CACNB3: variants seen among roughly 807,000 people sequenced by gnomAD.
CACNB3 encodes the protein voltage-dependent L-type calcium channel subunit beta-3.
A neutral mutation model predicts 63.7 loss-of-function variants in CACNB3; 36 were observed. That is an observed-to-expected ratio of 0.57 (90% CI 0.43 to 0.75). CACNB3 has a LOEUF of 0.75. Among genes scored for constraint, CACNB3 ranks in the 30% least tolerant of loss-of-function variants. The pLI, the probability that CACNB3 is intolerant of heterozygous loss-of-function variation, is 0.00. For synonymous variants in CACNB3, 241 were observed against 250.6 expected (o/e 0.96, Z 0.36); for missense variants, 493 against 648.6 (o/e 0.76, Z 2.61).
chr12:48,817,501 C>T (rs990412011), upstream of CACNB3, among the ~76,000 whole-genome samples: 27 of 152,092 alleles, frequency 1.8e-4, no homozygotes, highest in Non-Finnish European at 2.5e-4. Flanking sequence ...ACATCCTCCT[C>T]GTGGGGCACA....
chr12:48,824,653 C>A lies in CACNB3; in HGVS notation c.408-16C>A, dbSNP rs766587404. 6.2e-7 allele frequency: 1 copy of A among 1,610,648 alleles called. No homozygotes were observed. Among genetic ancestry groups the A allele is most frequent in the South Asian group, 1.1e-5 (1 of 90,980 alleles). ...ACATTCTTCTCTCTCTCTCTTTCAC[C>A]TCCCTTTCTTCTCAGGAGATCTGGG... On this transcript the variant is annotated splice_polypyrimidine_tract_variant and intron_variant, in intron 4 of 12. Transcript: ENST00000301050.
chr12:48,824,405 C>A, intron 4 of CACNB3, 32 bp downstream of exon 4: 1 of 1,543,852 alleles, frequency 6.5e-7, no homozygotes, highest in Non-Finnish European at 8.8e-7. Context: ...AGTAAACACA[C>A]CCCAAACACT....
rs772823776 is a variant in CACNB3 at position 48,824,386 on chromosome 12, C to T, written c.407+13C>T. 3 of 1,590,662 alleles carry T rather than the reference C, an allele frequency of 1.9e-6. No homozygotes were observed. The African/African-American group carries it at 4.0e-5, about 21-fold the overall frequency. On this transcript the variant is annotated intron_variant, in intron 4 of 12. Transcript: ENST00000301050. ...AGCAGAAGGCCAGGTGAGAGTTGGG[C>T]CATGAGTCAGTAAACACACCCCAAA...
Position 48,823,757 on chromosome 12 carries a change from G to T in CACNB3, c.245G>T (p.Gly82Val). Residue 82 changes from glycine to valine, a missense_variant, in exon 3 of 13, where the codon GGC (glycine) becomes GTC (valine). By Grantham distance (109) the Gly-to-Val change is moderately radical. Transcript: ENST00000301050. This position sits in a 1 kb window ranked among gnomAD's most constrained non-coding sequence, Gnocchi z 4.2. ...GVLDEECPVQ[G>V]SGVNFEAKDF... is the part of the protein sequence containing the mutation. ...CTGGATGAGGAGTGCCCAGTCCAGGGCTCTGGAGTCAACTTTGAGGCCAAA... is the reference window on the plus strand; with the variant it reads ...CTGGATGAGGAGTGCCCAGTCCAGGTCTCTGGAGTCAACTTTGAGGCCAAA... The T allele has an allele frequency of 6.2e-7, 1 of 1,614,126 alleles. No individual in the cohort carries two copies. The highest frequency in any genetic ancestry group is 8.5e-7 in the Non-Finnish European group (1 of 1,180,008).
Position 48,818,669 on chromosome 12 carries a change from G to A in CACNB3, c.-261G>A, listed in dbSNP as rs1937656520. 8.2e-7 allele frequency: 1 copy of A among 1,215,084 alleles called. No homozygotes were observed. Among genetic ancestry groups the A allele is most frequent in the African/African-American group, 1.6e-5 (1 of 62,134 alleles). The allele number at this position is 1,215,084 out of a possible 1,614,324, so 75.3% of individuals were successfully genotyped here. On this transcript the variant is annotated 5_prime_UTR_variant, in exon 1 of 13. Transcript: ENST00000301050. This position sits in a 1 kb window ranked among gnomAD's most constrained non-coding sequence, Gnocchi z 4.3. ...AGGTGGGCGGGCACTATTGTTGTAG[G>A]AGCCGGCGCCAGATTCCTCAGCCGC...
rs913026059 is a variant in CACNB3, at chr12:48,826,948, C to T, written c.991-26C>T. The T allele has an allele frequency of 1.1e-5, 17 of 1,613,506 alleles. No individual in the cohort carries two copies. The highest frequency in any genetic ancestry group is 4.0e-5 in the African/African-American group (3 of 74,912). Reference sequence around the variant, plus strand: ...GGGGCTGCTACTGAGGGGAAACCAACGTTGCGCCTTCCTCCCCCTCCCCAG... The same window carrying T: ...GGGGCTGCTACTGAGGGGAAACCAATGTTGCGCCTTCCTCCCCCTCCCCAG... On this transcript the variant is annotated intron_variant, in intron 11 of 12. Transcript: ENST00000301050. This position sits in a 1 kb window ranked among gnomAD's most constrained non-coding sequence, Gnocchi z 4.8.
intron 1 of CACNB3, among the ~76,000 whole-genome samples, chr12:48,822,311 G>T (rs1937891849): frequency 6.6e-6 from 1 of 152,128 alleles, no homozygotes; most frequent in African/African-American, 2.4e-5. Flanking sequence ...CTGGGCTCTT[G>T]TCTCAAAGTC....
In CACNB3 at chr12:48,826,907, TG is replaced by T; in HGVS notation, c.990+54del. 1 of 1,612,630 alleles carries T rather than the reference TG, an allele frequency of 6.2e-7. No homozygotes were observed. The highest frequency in any genetic ancestry group is 8.5e-7 in the Non-Finnish European group (1 of 1,178,908). Reference sequence around the variant, plus strand: ...GCCCACTCCCCCAGGGCTGCGGCAGTGATAGAGATGGGTGGGGGGCTGCTAC... The same window carrying T: ...GCCCACTCCCCCAGGGCTGCGGCAGTATAGAGATGGGTGGGGGGCTGCTAC... On this transcript the variant is annotated intron_variant, in intron 11 of 12. Transcript: ENST00000301050. This position sits in a 1 kb window ranked among gnomAD's most constrained non-coding sequence, Gnocchi z 4.8.
rs1467824693 is a variant in CACNB3 at position 48,827,881 on chromosome 12, G to C, written c.1437G>C (p.Trp479Cys). 6.2e-7 allele frequency: 1 copy of C among 1,613,678 alleles called. No individual in the cohort carries two copies. The highest frequency in any genetic ancestry group is 8.5e-7 in the Non-Finnish European group (1 of 1,179,696). ...SDRNWQRNRPWPKDSY is the reference protein window; with the variant it reads ...SDRNWQRNRPCPKDSY ...GGAACTGGCAGCGCAACCGGCCTTG[G>C]CCCAAGGATAGCTACTGACAGCCTC... is the stretch of plus-strand genomic sequence containing the variant. The change falls in exon 13 of 13, where the codon TGG (tryptophan) becomes TGC (cysteine). Residue 479 changes from tryptophan (W) to cysteine (C), a missense_variant. Coordinates refer to ENST00000301050, the MANE Select transcript of CACNB3 (RefSeq NM_000725.4).
upstream of CACNB3, chr12:48,818,482 C>A: frequency 1.0e-6 from 1 of 998,230 alleles, no homozygotes; most frequent in Non-Finnish European, 1.2e-6. The surrounding 1 kb of genome is among the most constrained non-coding windows in gnomAD (Gnocchi z 4.3). Context: ...TCCGCCCTGC[C>A]CGCAGCCTCT....
upstream of CACNB3, chr12:48,814,841 C>T: frequency 2.8e-6 from 1 of 359,080 alleles, no homozygotes. The surrounding 1 kb of genome is among the most constrained non-coding windows in gnomAD (Gnocchi z 6.9). Context: ...GCGCGTGTAG[C>T]CGCCGGGCCA....
Position 48,827,966 on chromosome 12 carries a change from G to A in CACNB3, c.*67G>A. ...GGCTGGGGGGCCCACTCCAGGCAGG[G>A]TGGCGTTAGACTGGCATCAGGCTGG... On this transcript the variant is annotated 3_prime_UTR_variant, in exon 13 of 13. Coordinates refer to ENST00000301050, the MANE Select transcript of CACNB3 (RefSeq NM_000725.4). 2 of 1,387,462 alleles carry A rather than the reference G, an allele frequency of 1.4e-6. No homozygotes were observed. The highest frequency in any genetic ancestry group is 2.0e-6 in the Non-Finnish European group (2 of 1,000,640). 85.9% of individuals were successfully genotyped at this position (1,387,462 alleles called of 1,614,324 possible). A position where few individuals can be genotyped will look rare whatever the true frequency, so the allele number is the denominator to read the frequency against.
At chr12:48,822,104 C>T (rs1937880041) in intron 1 of CACNB3, among the ~76,000 whole-genome samples, 1 of 152,122 alleles carries the variant, frequency 6.6e-6, no homozygotes, top group Non-Finnish European at 1.5e-5. Flanking sequence ...TGAGGACATT[C>T]TAAAGCCCCT....
upstream of CACNB3, among the ~76,000 whole-genome samples, chr12:48,817,624 C>G (rs1942316517): frequency 6.6e-6 from 1 of 152,178 alleles, no homozygotes; most frequent in Non-Finnish European, 1.5e-5. Flanking sequence ...GGCTGCGGCT[C>G]TCTTACCCCA....
chr12:48,825,253 G>A lies in CACNB3; in HGVS notation c.573+10G>A. On this transcript the variant is annotated intron_variant, in intron 7 of 12. Transcript: ENST00000301050. The surrounding 1 kb of genome is among the most constrained non-coding windows in gnomAD (Gnocchi z 4.5). ...TCTGAAAGGTTATGAGGTGAGAGGAGGTCCTTGACCCCAAAGAGTCACCTC... is the reference window on the plus strand; with the variant it reads ...TCTGAAAGGTTATGAGGTGAGAGGAAGTCCTTGACCCCAAAGAGTCACCTC... The A allele has an allele frequency of 6.2e-7, 1 of 1,612,806 alleles. No homozygotes were observed.
chr12:48,823,544 T>A lies in CACNB3; in HGVS notation c.168+78T>A, dbSNP rs1937966577. On this transcript the variant is annotated intron_variant, in intron 2 of 12. Transcript: ENST00000301050. This position sits in a 1 kb window ranked among gnomAD's most constrained non-coding sequence, Gnocchi z 4.2. Reference sequence around the variant, plus strand: ...GCACTCGGTCCTAAGTCCCAAGGGGTCCTTGGGCAGGATGTCCTTGAGTGT... The same window carrying A: ...GCACTCGGTCCTAAGTCCCAAGGGGACCTTGGGCAGGATGTCCTTGAGTGT... 6.3e-7 allele frequency: 1 copy of A among 1,592,808 alleles called. No homozygotes were observed. The highest frequency in any genetic ancestry group is 8.6e-7 in the Non-Finnish European group (1 of 1,167,610).
At chr12:48,821,225 A>T (rs1045143007) in intron 1 of CACNB3, 2 of 151,622 alleles carry the variant, frequency 1.3e-5, no homozygotes, top group Non-Finnish European at 2.9e-5. Flanking sequence ...AGGCATAGAG[A>T]CTCATGCCTA....
chr12:48,823,687 C>A lies in CACNB3; in HGVS notation c.175C>A (p.Pro59Thr). 1.9e-6 allele frequency: 3 copies of A among 1,614,144 alleles called. No homozygotes were observed. Among genetic ancestry groups the A allele is most frequent in the Non-Finnish European group, 2.5e-6 (3 of 1,180,018 alleles). ...QQQLERAKHK[P>T]VAFAVRTNVS... The stretch of plus-strand genomic sequence containing the variant: ...TAATGGGCAAATTCTCCAGCACAAA[C>A]CTGTGGCATTTGCGGTGAGGACCAA... The change falls in exon 3 of 13, where the codon CCT (proline) becomes ACT (threonine). Residue 59 changes from proline to threonine, a missense_variant. Physicochemically the swap from Pro to Thr is conservative, Grantham distance 38 (BLOSUM62 -1). Coordinates refer to ENST00000301050, the MANE Select transcript of CACNB3 (RefSeq NM_000725.4). The surrounding 1 kb of genome is among the most constrained non-coding windows in gnomAD (Gnocchi z 4.2).
chr12:48,827,222 C>T, intron 12 of CACNB3, 99 bp downstream of exon 12: 1 of 1,420,594 alleles, frequency 7.0e-7, no homozygotes, highest in Non-Finnish European at 9.6e-7. Flanking sequence ...TTCAGCATGC[C>T]AAAGGATTGT....
Sources: gnomAD v4.1 joint callset for allele counts (sites outside exome capture counted in the v4.1 genomes callset) on GRCh38, gnomAD v4.1.1 for gene constraint, Gnocchi (gnomAD v3.1) non-coding constraint, MANE v1.5 for transcripts, NCBI Gene and HGNC (gene_info 2026-07-23, HGNC 2026-07-21) for gene names.